The following EYS variants were observed in gnomAD, a reference collection of about 807,000 sequenced individuals.
The protein encoded by EYS is EGF-like photoreceptor maintenance factor.
Under a neutral mutation model 282.1 loss-of-function variants are expected in EYS, and 250 were observed. The observed-to-expected ratio is 0.89, with a 90% CI of 0.80 to 0.98. EYS has a LOEUF of 0.98. Ranked by LOEUF, EYS falls within the 50% of genes least tolerant of loss-of-function variation. The pLI is 0.00. For synonymous variants in EYS, 1,355 were observed against 1,282.9 expected (o/e 1.06, Z -1.20); for missense variants, 4,016 against 3,709.0 (o/e 1.08, Z -2.15).
At chr6:64,070,903 AGCG>A (rs1771549487) in intron 32 of EYS, among the ~76,000 whole-genome samples, 2 of 152,142 alleles carry the variant, frequency 1.3e-5, no homozygotes, top group African/African-American at 4.8e-5. Context: ...TTACACCATG[AGCG>A]AAAATGTCAA....
At chr6:64,372,080 C>T (rs907738323) in intron 29 of EYS, among the ~76,000 whole-genome samples, 1 of 146,810 alleles carries the variant, frequency 6.8e-6, no homozygotes, top group African/African-American at 2.6e-5. Flanking sequence ...GGTTATTATG[C>T]AGACTTGTTT....
chr6:64,501,390 T>C (rs1470797216), intron 26 of EYS, among the ~76,000 whole-genome samples: 2 of 152,118 alleles, frequency 1.3e-5, no homozygotes, highest in African/African-American at 2.4e-5. Flanking sequence ...AAAAACGTTA[T>C]GGCTTCTTTC....
chr6:64,180,443 AT>A (rs1764756950), intron 31 of EYS, among the ~76,000 whole-genome samples: 2 of 152,018 alleles, frequency 1.3e-5, no homozygotes, highest in East Asian at 3.9e-4. Flanking sequence ...TTTGACTTTT[AT>A]TTAGGCTTGT....
chr6:64,720,819 C>A (rs1311496668), intron 22 of EYS, among the ~76,000 whole-genome samples: 1 of 152,200 alleles, frequency 6.6e-6, no homozygotes, highest in African/African-American at 2.4e-5. Flanking sequence ...AACTACCTAT[C>A]TATTTAGACA....
At chr6:64,105,386 C>G (rs892282204) in intron 31 of EYS, among the ~76,000 whole-genome samples, 1 of 152,100 alleles carries the variant, frequency 6.6e-6, no homozygotes, top group South Asian at 2.1e-4. Context: ...TACACATGTA[C>G]AACCTTCTCC....
chr6:65,080,057 G>A (rs977487318), intron 12 of EYS, among the ~76,000 whole-genome samples: 2 of 152,078 alleles, frequency 1.3e-5, no homozygotes, highest in African/African-American at 2.4e-5. Context: ...AAGAAGAGGA[G>A]GAATGCAAAA....
intron 12 of EYS, among the ~76,000 whole-genome samples, chr6:65,178,362 C>T (rs1433123833): frequency 6.6e-6 from 1 of 151,966 alleles, no homozygotes; most frequent in Non-Finnish European, 1.5e-5. Flanking sequence ...CAGGCGCCAG[C>T]CTCTGACAGT....
At position 64,707,341 on chromosome 6, in the gene EYS, G is replaced by A. The variant is rs561816751; in HGVS notation, c.3444-81096C>T. Among the ~76,000 whole-genome samples, 19 of 152,230 alleles carry A rather than the reference G, an allele frequency of 1.2e-4. No individual in the cohort carries two copies. In the South Asian group the frequency reaches 3.7e-3, roughly 30 times the overall value. ...TAATACAATGGACTTTGGGAACTTG[G>A]GGGAAAGGGAGGCAATAGGGTGAGG... On this transcript the variant is annotated intron_variant, in intron 22 of 42. Coordinates refer to ENST00000503581, the MANE Select transcript of EYS (RefSeq NM_001142800.2).
chr6:65,411,197 T>G (rs1766999023), intron 5 of EYS, among the ~76,000 whole-genome samples: 1 of 152,044 alleles, frequency 6.6e-6, no homozygotes, highest in East Asian at 1.9e-4. Flanking sequence ...TAAAATGTTG[T>G]TCAACATCAC....
chr6:64,611,574 A>G (rs1391902795), intron 24 of EYS, among the ~76,000 whole-genome samples: 3 of 152,134 alleles, frequency 2.0e-5, no homozygotes, highest in African/African-American at 7.2e-5. Flanking sequence ...ACAAACTGAA[A>G]CTAATTGATT....
intron 26 of EYS, among the ~76,000 whole-genome samples, chr6:64,551,732 T>C (rs1413431339): frequency 1.3e-5 from 2 of 152,034 alleles, no homozygotes; most frequent in Non-Finnish European, 2.9e-5. Flanking sequence ...AGACAGGGTT[T>C]CGCTAAAACT....
At chr6:65,474,163 T>A (rs1190802869) in intron 5 of EYS, among the ~76,000 whole-genome samples, 2 of 152,190 alleles carry the variant, frequency 1.3e-5, no homozygotes, top group South Asian at 4.1e-4. Flanking sequence ...TAAGGTGACA[T>A]GGAGCTCAAA....
At chr6:64,130,236 T>C (rs543640048) in intron 31 of EYS, among the ~76,000 whole-genome samples, 1 of 152,284 alleles carries the variant, frequency 6.6e-6, no homozygotes, top group South Asian at 2.1e-4. Context: ...AACCCAAATG[T>C]CCAACAACGA....
intron 26 of EYS, among the ~76,000 whole-genome samples, chr6:64,471,337 G>A (rs1180522738): frequency 2.0e-5 from 3 of 152,172 alleles, no homozygotes; most frequent in South Asian, 2.1e-4. Context: ...CCTATGTAGA[G>A]AAAAGCCTAA....
chr6:65,091,503 A>T (rs929837568), intron 12 of EYS, among the ~76,000 whole-genome samples: 7 of 145,628 alleles, frequency 4.8e-5, no homozygotes, highest in African/African-American at 1.8e-4. Flanking sequence ...AATAATAAAA[A>T]GAAGTTAGAT....
At chr6:64,173,799 T>C (rs1764550207) in intron 31 of EYS, among the ~76,000 whole-genome samples, 1 of 152,158 alleles carries the variant, frequency 6.6e-6, no homozygotes, top group Admixed American at 6.6e-5. Context: ...ATGTAGAATG[T>C]TTTTGTCTCA....
At chr6:64,191,476 T>TCCCCCCG (rs542212151) in intron 31 of EYS, among the ~76,000 whole-genome samples, 3 of 139,162 alleles carry the variant, frequency 2.2e-5, no homozygotes, top group Non-Finnish European at 4.6e-5. Flanking sequence ...GTGCTATCCC[T>TCCCCCCG]TCCCCCCCCA....
chr6:65,537,914 G>A (rs1270322922), intron 2 of EYS, among the ~76,000 whole-genome samples: 1 of 152,160 alleles, frequency 6.6e-6, no homozygotes, highest in Non-Finnish European at 1.5e-5. Flanking sequence ...TTTCAAATTA[G>A]TATTGAGAAT....
chr6:64,629,232 T>G (rs1470295826), intron 22 of EYS, among the ~76,000 whole-genome samples: 1 of 152,200 alleles, frequency 6.6e-6, no homozygotes, highest in Non-Finnish European at 1.5e-5. Flanking sequence ...TGGTGTTATA[T>G]GTTTCTGAGA....
Sources: allele counts gnomAD v4.1 joint callset (sites outside exome capture counted in the v4.1 genomes callset), GRCh38; gene constraint gnomAD v4.1.1; transcripts MANE v1.5; gene names NCBI Gene and HGNC (gene_info 2026-07-23, HGNC 2026-07-21).